Variants in TANC2 observed in about 807,000 individuals in gnomAD.
TANC2 encodes the protein protein TANC2.
In TANC2, 26 loss-of-function variants were observed where a neutral mutation model predicts 210.5. That is an observed-to-expected ratio of 0.12 (90% CI 0.09 to 0.17). TANC2 has a LOEUF of 0.17. Among genes scored for constraint, TANC2 ranks in the 10% least tolerant of loss-of-function variants. TANC2 has a pLI of 1.00. For missense variants in TANC2, 2,129 were observed against 2,608.9 expected, an observed-to-expected ratio of 0.82 and a Z score of 4.01; for synonymous variants, 931 against 967.1, an observed-to-expected ratio of 0.96 and a Z score of 0.69.
At chr17:63,085,096 T>C (rs1019969716) in intron 3 of TANC2, among the ~76,000 whole-genome samples, 2 of 152,192 alleles carry the variant, frequency 1.3e-5, no homozygotes, top group Non-Finnish European at 2.9e-5. Context: ...AGTGTAATAG[T>C]ATATTCCTCT....
At chr17:63,349,792 A>G (rs1017830893) in intron 12 of TANC2, among the ~76,000 whole-genome samples, 2 of 152,134 alleles carry the variant, frequency 1.3e-5, no homozygotes, top group African/African-American at 2.4e-5. Flanking sequence ...AATCAAGAAC[A>G]TAACACCCAC....
At chr17:63,191,280 A>G (rs1465196668) in intron 5 of TANC2, among the ~76,000 whole-genome samples, 1 of 151,032 alleles carries the variant, frequency 6.6e-6, no homozygotes, top group Non-Finnish European at 1.5e-5. Context: ...CAGTATTTGA[A>G]TACACTATTA....
chr17:63,244,914 G>C (rs570492917), intron 8 of TANC2, among the ~76,000 whole-genome samples: 1 of 152,216 alleles, frequency 6.6e-6, no homozygotes, highest in East Asian at 1.9e-4. Context: ...TCATGTAAGA[G>C]GTGACTTGCT....
intron 2 of TANC2, among the ~76,000 whole-genome samples, chr17:63,013,055 AT>A (rs1169284192): frequency 6.8e-6 from 1 of 147,830 alleles, no homozygotes; most frequent in South Asian, 2.1e-4. Context: ...ATTTTTGTAG[AT>A]TTTTTTCTTT....
chr17:63,355,331 T>C, exon 14 of TANC2: 2 of 1,610,498 alleles, frequency 1.2e-6, no homozygotes, highest in Non-Finnish European at 1.7e-6. Flanking sequence ...ATCCTTCTTT[T>C]CGAGAATGGC....
chr17:63,116,467 T>C (rs1258989421), intron 4 of TANC2, among the ~76,000 whole-genome samples: 1 of 152,242 alleles, frequency 6.6e-6, no homozygotes, highest in African/African-American at 2.4e-5. Context: ...CAGGCCCAGT[T>C]AGGGAGAGGC....
intron 14 of TANC2, among the ~76,000 whole-genome samples, chr17:63,367,268 CT>C (rs1332147133): frequency 6.6e-6 from 1 of 152,176 alleles, no homozygotes; most frequent in Non-Finnish European, 1.5e-5. Context: ...TAAGACACCC[CT>C]GACACTAAAG....
chr17:63,227,188 A>T (rs544019147), intron 7 of TANC2, among the ~76,000 whole-genome samples: 1 of 152,326 alleles, frequency 6.6e-6, no homozygotes, highest in African/African-American at 2.4e-5. Context: ...ACTGTCTTCC[A>T]CAATGGTTGA....
intron 17 of TANC2, chr17:63,390,293 T>A (rs2147158698): frequency 6.6e-6 from 1 of 152,416 alleles, no homozygotes; most frequent in East Asian, 1.9e-4. Flanking sequence ...AGTCATAGTA[T>A]GACTTCATTC....
intron 2 of TANC2, among the ~76,000 whole-genome samples, chr17:63,070,330 G>A (rs1401833988): frequency 1.3e-5 from 2 of 152,142 alleles, no homozygotes; most frequent in Non-Finnish European, 2.9e-5. Context: ...AAGCAGTCAG[G>A]TATTCCATTC....
At chr17:63,410,009 G>A (rs965144194) in intron 21 of TANC2, among the ~76,000 whole-genome samples, 1 of 152,106 alleles carries the variant, frequency 6.6e-6, no homozygotes, top group Non-Finnish European at 1.5e-5. Context: ...GTGTCATGTT[G>A]GTGCTCAAAA....
At chr17:63,064,341 C>A (rs765930636) in intron 2 of TANC2, among the ~76,000 whole-genome samples, 9 of 152,180 alleles carry the variant, frequency 5.9e-5, no homozygotes, top group Middle Eastern at 3.4e-3. Flanking sequence ...TGCCTGTGGT[C>A]CCAGCTACTC....
At chr17:63,131,359 A>T (rs909576662) in intron 4 of TANC2, among the ~76,000 whole-genome samples, 2 of 152,220 alleles carry the variant, frequency 1.3e-5, no homozygotes, top group Admixed American at 1.3e-4. Flanking sequence ...GCTGCTGCAG[A>T]TGTAAAATAA....
At chr17:63,025,817 T>A (rs1263642397) in intron 2 of TANC2, among the ~76,000 whole-genome samples, 15 of 123,226 alleles carry the variant, frequency 1.2e-4, no homozygotes, top group African/African-American at 3.9e-4. Context: ...AAAATAAAAT[T>A]AAATTAAAAT....
chr17:62,967,124 C>T (rs2031391181), intron 1 of TANC2: 1 of 152,160 alleles, frequency 6.6e-6, no homozygotes, highest in Non-Finnish European at 1.5e-5. Flanking sequence ...CGAAATGTGC[C>T]AGGTAAGGCA....
intron 5 of TANC2, among the ~76,000 whole-genome samples, chr17:63,183,721 A>G (rs895078253): frequency 6.6e-6 from 1 of 152,138 alleles, no homozygotes; most frequent in Non-Finnish European, 1.5e-5. Flanking sequence ...TTTGTTTTTT[A>G]AAAAAAGAAA....
chr17:63,354,664 A>G (rs531352207), intron 13 of TANC2, 119 bp from the exon 14 acceptor site: 25 of 1,322,850 alleles, frequency 1.9e-5, no homozygotes, highest in South Asian at 1.2e-4. Context: ...ATACTTGATC[A>G]TGTTTCCCTG....
chr17:63,275,574 G>A (rs1478760567), intron 9 of TANC2, among the ~76,000 whole-genome samples: 1 of 152,140 alleles, frequency 6.6e-6, no homozygotes, highest in African/African-American at 2.4e-5. Context: ...CCCTGAGGTT[G>A]CTTAGTCATC....
At chr17:62,983,553 A>G (rs2032415316) in intron 1 of TANC2, among the ~76,000 whole-genome samples, 1 of 152,098 alleles carries the variant, frequency 6.6e-6, no homozygotes, top group Non-Finnish European at 1.5e-5. Flanking sequence ...TAGTTCTTAG[A>G]GGAAAAACTT....
Sources: allele counts gnomAD v4.1 joint callset (sites outside exome capture counted in the v4.1 genomes callset), GRCh38; gene constraint gnomAD v4.1.1; transcripts MANE v1.5; gene names NCBI Gene and HGNC (gene_info 2026-07-23, HGNC 2026-07-21).